CAST: variants seen among roughly 807,000 people sequenced by gnomAD.
CAST encodes MIR583 host.
CAST carries 76 observed loss-of-function variants against 119.6 expected under a neutral mutation model. The observed-to-expected ratio is 0.64, with a 90% CI of 0.53 to 0.77. CAST has a LOEUF of 0.77. Among genes scored for constraint, CAST ranks in the 30% least tolerant of loss-of-function variants. The pLI is 0.00. For synonymous variants in CAST, 319 were observed against 331.6 expected (o/e 0.96, Z 0.41); for missense variants, 953 against 946.5 (o/e 1.01, Z -0.09).
At chr5:96,629,929 C>T (rs1184402008) in intron 1 of CAST, among the ~76,000 whole-genome samples, 2 of 152,164 alleles carry the variant, frequency 1.3e-5, no homozygotes, top group African/African-American at 4.8e-5. Context: ...CAGCCAAGCC[C>T]TAAACCAGCT....
chr5:96,275,768 C>A, the CAST span, among the ~76,000 whole-genome samples: 4 of 152,256 alleles, frequency 2.6e-5, no homozygotes, highest in African/African-American at 9.6e-5. Context: ...TTTGGTCCAG[C>A]TTATTAAGTT....
the CAST span, among the ~76,000 whole-genome samples, chr5:96,327,944 T>A: frequency 6.6e-6 from 1 of 152,208 alleles, no homozygotes; most frequent in African/African-American, 2.4e-5. Context: ...TCTTAGTGAT[T>A]ATGAAGATGA....
chr5:96,131,806 A>G, the CAST span, among the ~76,000 whole-genome samples: 1 of 152,170 alleles, frequency 6.6e-6, no homozygotes, highest in Non-Finnish European at 1.5e-5. Flanking sequence ...TTTAGAAAAT[A>G]AAATGAAGTC....
chr5:96,191,722 A>G, the CAST span, among the ~76,000 whole-genome samples: 1 of 152,150 alleles, frequency 6.6e-6, no homozygotes, highest in Non-Finnish European at 1.5e-5. Context: ...GGCGCACGCC[A>G]CCACACCCAG....
chr5:96,251,977 GT>G, the CAST span, among the ~76,000 whole-genome samples: 1 of 152,042 alleles, frequency 6.6e-6, no homozygotes, highest in Non-Finnish European at 1.5e-5. Flanking sequence ...CATCTATCTG[GT>G]TTCCCAAAGG....
chr5:96,170,734 C>T, the CAST span, among the ~76,000 whole-genome samples: 3 of 152,098 alleles, frequency 2.0e-5, no homozygotes, highest in Admixed American at 2.0e-4. Flanking sequence ...AGCCTAAACG[C>T]TAACTGATTT....
At chr5:96,567,288 C>A (rs1031715768) in intron 1 of CAST, among the ~76,000 whole-genome samples, 10 of 152,160 alleles carry the variant, frequency 6.6e-5, no homozygotes, top group African/African-American at 1.9e-4. Context: ...CATTACAAAT[C>A]AAACCACACC....
chr5:95,987,922 C>A, the CAST span, among the ~76,000 whole-genome samples: 1 of 152,194 alleles, frequency 6.6e-6, no homozygotes, highest in East Asian at 1.9e-4. Context: ...TATTGGACAG[C>A]AGAGATATCA....
intron 1 of CAST, among the ~76,000 whole-genome samples, chr5:96,643,866 C>T (rs1396982045): frequency 6.6e-6 from 1 of 151,880 alleles, no homozygotes. Context: ...AGCGAGACTT[C>T]ATCTCAAAAA....
the CAST span, among the ~76,000 whole-genome samples, chr5:96,506,708 C>T: frequency 0.15 from 22,878 of 152,166 alleles, 2,044 homozygotes; most frequent in Non-Finnish European, 0.2. Context: ...CAGTGGCACC[C>T]GAGAAAGTCT....
chr5:96,059,264 G>A, the CAST span, among the ~76,000 whole-genome samples: 4 of 152,136 alleles, frequency 2.6e-5, no homozygotes, highest in Admixed American at 2.0e-4. Flanking sequence ...CCATGGAGCT[G>A]CAGAACCCAG....
the CAST span, chr5:96,393,241 A>G: frequency 1.9e-6 from 3 of 1,613,854 alleles, no homozygotes; most frequent in African/African-American, 2.7e-5. Context: ...TTTTACTGAA[A>G]GCACTTTGCA....
the CAST span, among the ~76,000 whole-genome samples, chr5:96,487,580 C>T: frequency 1.3e-5 from 2 of 152,162 alleles, no homozygotes; most frequent in Admixed American, 6.5e-5. Context: ...GGCATTAATG[C>T]CTATGGAACA....
the CAST span, among the ~76,000 whole-genome samples, chr5:96,425,048 G>GAAAGAAAGAAAA: frequency 1.0e-4 from 13 of 123,974 alleles, no homozygotes; most frequent in Middle Eastern, 4.1e-3. Flanking sequence ...AAGAAAGAAA[G>GAAAGAAAGAAAA]AAAGAAAGAA....
the CAST span, among the ~76,000 whole-genome samples, chr5:96,374,334 A>G: frequency 6.6e-6 from 1 of 152,158 alleles, no homozygotes; most frequent in East Asian, 1.9e-4. Flanking sequence ...TTTCCAGAAA[A>G]CAAACAAGTT....
chr5:96,684,537 C>G (rs1751818697), intron 2 of CAST, among the ~76,000 whole-genome samples: 1 of 151,772 alleles, frequency 6.6e-6, no homozygotes, highest in African/African-American at 2.4e-5. Flanking sequence ...ACGCCAATAG[C>G]TAGAACTAAA....
At chr5:96,618,795 C>G (rs375541131) in intron 1 of CAST, among the ~76,000 whole-genome samples, 2 of 152,216 alleles carry the variant, frequency 1.3e-5, no homozygotes, top group East Asian at 1.9e-4. Flanking sequence ...GAGCCTCCCC[C>G]ACCCCGTGGG....
chr5:96,042,712 G>T, the CAST span, among the ~76,000 whole-genome samples: 1 of 152,098 alleles, frequency 6.6e-6, no homozygotes, highest in South Asian at 2.1e-4. Flanking sequence ...AATCTAATAG[G>T]TGTGGATTAA....
the CAST span, among the ~76,000 whole-genome samples, chr5:96,453,605 A>G: frequency 3.9e-5 from 6 of 152,206 alleles, no homozygotes; most frequent in South Asian, 2.1e-4. Context: ...TGGTTTTCCT[A>G]TTGACCTATT....
Sources: gnomAD v4.1 joint callset for allele counts (sites outside exome capture counted in the v4.1 genomes callset) on GRCh38, gnomAD v4.1.1 for gene constraint, MANE v1.5 for transcripts, NCBI Gene and HGNC (gene_info 2026-07-23, HGNC 2026-07-21) for gene names.